ZNF365: variants seen among roughly 807,000 people sequenced by gnomAD.
ZNF365 encodes the protein zinc finger protein 365.
A neutral mutation model predicts 35.0 loss-of-function variants in ZNF365; 22 were observed. The observed-to-expected ratio is 0.63, with a 90% CI of 0.45 to 0.90. The LOEUF is 0.90. ZNF365 is among the 40% of genes least tolerant of loss of function. The pLI is 0.00. For missense variants in ZNF365, 448 were observed against 500.3 expected, an observed-to-expected ratio of 0.90 and a Z score of 1.00; for synonymous variants, 188 against 196.2, an observed-to-expected ratio of 0.96 and a Z score of 0.35.
chr10:62,407,847 A>C (rs1192527146), intron 3 of ZNF365, among the ~76,000 whole-genome samples: 2 of 152,178 alleles, frequency 1.3e-5, no homozygotes, highest in African/African-American at 2.4e-5. Context: ...CCTGATGAAC[A>C]CAGACATAGC....
intron 4 of ZNF365, among the ~76,000 whole-genome samples, chr10:62,470,589 T>C (rs929438892): frequency 1.3e-5 from 2 of 152,196 alleles, no homozygotes; most frequent in Non-Finnish European, 2.9e-5. Flanking sequence ...TATAATAACT[T>C]TTGATTGCCA....
intron 1 of ZNF365, 65 bp from the exon 2 acceptor site, chr10:62,376,116 G>A (rs1839320787): frequency 2.0e-6 from 3 of 1,506,902 alleles, no homozygotes; most frequent in Non-Finnish European, 9.0e-7. Context: ...ATGGAGATGA[G>A]CAGCAATCAT....
chr10:62,398,567 A>G (rs1268946680), intron 3 of ZNF365, among the ~76,000 whole-genome samples, 173 bp from the exon 4 acceptor site: 1 of 152,194 alleles, frequency 6.6e-6, no homozygotes, highest in Non-Finnish European at 1.5e-5. Flanking sequence ...AAGGCTGAGC[A>G]TGAGATGTTC....
Position 62,400,463 on chromosome 10 carries a change from A to G in ZNF365, c.*674A>G, listed in dbSNP as rs993641033. On this transcript the variant is annotated 3_prime_UTR_variant, in exon 5 of 5. Coordinates refer to ENST00000395254, the MANE Select transcript of ZNF365 (RefSeq NM_014951.3). ...TGCATGTTTATTCAGATTTTGGTAC[A>G]CCTCTGCCGTCTTCTTTGGCTGAGT... is the stretch of plus-strand genomic sequence containing the variant. 6.1e-6 allele frequency: 6 copies of G among 985,584 alleles called. No homozygotes were observed. Among genetic ancestry groups the G allele is most frequent in the African/African-American group, 5.3e-5 (3 of 57,106 alleles). 61.1% of individuals were successfully genotyped at this position (985,584 alleles called of 1,614,324 possible). A position where few individuals can be genotyped will look rare whatever the true frequency, so the allele number is the denominator to read the frequency against.
At chr10:62,390,118 C>T (rs1839602928) in intron 3 of ZNF365, among the ~76,000 whole-genome samples, 1 of 152,044 alleles carries the variant, frequency 6.6e-6, no homozygotes, top group Non-Finnish European at 1.5e-5. Flanking sequence ...CCTGAAAATG[C>T]CTGGCTTCCG....
At chr10:62,470,907 T>C (rs1017962331) in intron 4 of ZNF365, among the ~76,000 whole-genome samples, 1 of 152,150 alleles carries the variant, frequency 6.6e-6, no homozygotes, top group Admixed American at 6.5e-5. Flanking sequence ...GGCTTTTAAT[T>C]TTTATAATTT....
At chr10:62,437,160 T>C (rs1373714032) in intron 3 of ZNF365, among the ~76,000 whole-genome samples, 1 of 152,192 alleles carries the variant, frequency 6.6e-6, no homozygotes, top group Non-Finnish European at 1.5e-5. Context: ...GATACAAATA[T>C]ATGTGTCTGT....
chr10:62,401,134 A>G lies in ZNF365; in HGVS notation c.*1345A>G. On this transcript the variant is annotated 3_prime_UTR_variant, in exon 5 of 5. Transcript: ENST00000395254. The stretch of plus-strand genomic sequence containing the variant: ...TAATTTTGTCCACAAATATATACAT[A>G]TATACATATATATAACACATACAAA... The G allele has an allele frequency of 2.1e-6, 2 of 965,446 alleles. No homozygotes were observed. Among genetic ancestry groups the G allele is most frequent in the South Asian group, 4.8e-5 (1 of 20,892 alleles). 59.8% of individuals were successfully genotyped at this position (965,446 alleles called of 1,614,324 possible). A position where few individuals can be genotyped will look rare whatever the true frequency, so the allele number is the denominator to read the frequency against.
intron 3 of ZNF365, among the ~76,000 whole-genome samples, chr10:62,422,979 T>G (rs1490532492): frequency 6.6e-6 from 1 of 152,184 alleles, no homozygotes. Context: ...ATGAGTTGTC[T>G]GAGGAAGGAA....
intron 3 of ZNF365, among the ~76,000 whole-genome samples, chr10:62,388,978 C>G (rs1317857710): frequency 6.6e-6 from 1 of 152,124 alleles, no homozygotes; most frequent in Non-Finnish European, 1.5e-5. Context: ...AAAGTAAGAT[C>G]AAACCACATA....
intron 3 of ZNF365, among the ~76,000 whole-genome samples, chr10:62,418,259 A>G (rs1334143656): frequency 6.6e-6 from 1 of 152,064 alleles, no homozygotes; most frequent in Non-Finnish European, 1.5e-5. Flanking sequence ...GTCAATATTT[A>G]TATGGTTTGG....
chr10:62,386,808 G>A (rs372533233), intron 2 of ZNF365, among the ~76,000 whole-genome samples: 114 of 152,328 alleles, frequency 7.5e-4, no homozygotes, highest in African/African-American at 2.5e-3. Context: ...ACAGAGCTCA[G>A]TGGAAAATAA....
At chr10:62,405,335 C>A (rs905397568), downstream of ZNF365, among the ~76,000 whole-genome samples, 1 of 152,142 alleles carries the variant, frequency 6.6e-6, no homozygotes, top group Non-Finnish European at 1.5e-5. Context: ...TATGAATATA[C>A]TTAAGAAGGT....
intron 3 of ZNF365, among the ~76,000 whole-genome samples, chr10:62,420,143 A>G (rs930060256): frequency 2.6e-5 from 4 of 152,144 alleles, no homozygotes; most frequent in African/African-American, 9.7e-5. Context: ...TTACTTTTAT[A>G]TACATTATTG....
chr10:62,440,172 T>TTTTTTTTATTTA (rs1554827319), intron 3 of ZNF365, among the ~76,000 whole-genome samples: 1 of 150,628 alleles, frequency 6.6e-6, no homozygotes, highest in Non-Finnish European at 1.5e-5. Context: ...GAATGCATAG[T>TTTTTTTTATTTA]TTTATTTATT....
rs1841025223 is a variant in ZNF365, at chr10:62,471,037, T to C, written c.982-8839T>C. Among the ~76,000 whole-genome samples, 4 of 152,096 alleles carry C rather than the reference T, an allele frequency of 2.6e-5. No homozygotes were observed. In the South Asian group the frequency reaches 8.3e-4, roughly 31 times the overall value. On this transcript the variant is annotated intron_variant, in intron 4 of 4. Coordinates refer to the ZNF365 transcript ENST00000395255. ...ATGTTTAAAACCTCTGGTAAATATG[T>C]CTGGTATTTAATTTACAGTTTGAGG...
chr10:62,416,002 AG>A (rs1192819741), intron 3 of ZNF365, among the ~76,000 whole-genome samples: 1 of 152,178 alleles, frequency 6.6e-6, no homozygotes, highest in Non-Finnish European at 1.5e-5. Context: ...TTCTTGAAGG[AG>A]GCATTGGTCA....
At chr10:62,428,814 T>C (rs1840290779) in intron 3 of ZNF365, among the ~76,000 whole-genome samples, 1 of 152,208 alleles carries the variant, frequency 6.6e-6, no homozygotes, top group African/African-American at 2.4e-5. Context: ...ATATGTTCTT[T>C]TTCAGGGGCT....
At chr10:62,467,585 T>C (rs757901873) in intron 4 of ZNF365, among the ~76,000 whole-genome samples, 1 of 152,216 alleles carries the variant, frequency 6.6e-6, no homozygotes, top group Non-Finnish European at 1.5e-5. Flanking sequence ...TACAGGTATA[T>C]GATATGCGTA....
Sources: allele counts gnomAD v4.1 joint callset (sites outside exome capture counted in the v4.1 genomes callset), GRCh38; gene constraint gnomAD v4.1.1; transcripts MANE v1.5; gene names NCBI Gene and HGNC (gene_info 2026-07-23, HGNC 2026-07-21).